The following ACSF2 variants were observed in gnomAD, a reference collection of about 807,000 sequenced individuals.
The protein encoded by ACSF2 is acyl-CoA synthetase family member 2, also known as medium-chain acyl-CoA ligase ACSF2, mitochondrial.
ACSF2 carries 52 observed loss-of-function variants against 79.3 expected under a neutral mutation model. That is an observed-to-expected ratio of 0.66 (90% CI 0.53 to 0.83). The LOEUF is 0.83. Ranked by LOEUF, ACSF2 falls within the 40% of genes least tolerant of loss-of-function variation. ACSF2 has a pLI of 0.00. For missense variants in ACSF2, 661 were observed against 803.3 expected, an observed-to-expected ratio of 0.82 and a Z score of 2.14; for synonymous variants, 283 against 312.6, an observed-to-expected ratio of 0.91 and a Z score of 1.00.
chr17:50,451,279 T>A (rs2031660849), intron 1 of ACSF2, among the ~76,000 whole-genome samples: 1 of 152,118 alleles, frequency 6.6e-6, no homozygotes, highest in South Asian at 2.1e-4. Context: ...CTTTTGGGCA[T>A]ATATTATAAC....
Position 50,474,250 on chromosome 17 carries a change from C to T in ACSF2, c.1780C>T (p.Leu594Phe), listed in dbSNP as rs2033246919. 1 of 1,614,264 alleles carries T rather than the reference C, an allele frequency of 6.2e-7. No individual in the cohort carries two copies. The highest frequency in any genetic ancestry group is 8.5e-7 in the Non-Finnish European group (1 of 1,180,048). ...KYIVFVTNYP[L>F]TISGKIQKFK... ...CATCGTGTTTGTCACAAACTACCCC[C>T]TCACCATTTCAGGAAAGGTGTGTAA... The change falls in exon 15 of 16, where the codon CTC (leucine) becomes TTC (phenylalanine). Residue 594 changes from leucine to phenylalanine, a missense_variant. Physicochemically the swap from Leu to Phe is conservative, Grantham distance 22. Transcript: ENST00000300441. The surrounding 1 kb of genome is among the most constrained non-coding windows in gnomAD (Gnocchi z 4.2).
chr17:50,464,151 T>A, intron 9 of ACSF2, 67 bp from the exon 10 acceptor site: 1 of 1,511,252 alleles, frequency 6.6e-7, no homozygotes, highest in East Asian at 2.3e-5. Flanking sequence ...CTGAATGAGC[T>A]GTAGGTGAAA....
In ACSF2 at chr17:50,426,585, G is replaced by A. The variant is rs936031680; in HGVS notation, c.128+196G>A. Among the ~76,000 whole-genome samples the A allele has an allele frequency of 7.2e-5, 11 of 152,348 alleles. No homozygotes were observed. The South Asian group carries it at 2.3e-3, about 32-fold the overall frequency. On this transcript the variant is annotated intron_variant, in intron 1 of 15. Coordinates refer to ENST00000300441, the MANE Select transcript of ACSF2 (RefSeq NM_025149.6). ...CCTGGTGGACTTGGGTGGGGAGGGG[G>A]CTTTGGTTGGTGGCTGCAGTGACTT...
At chr17:50,455,029 G>A (rs2143660638) in intron 1 of ACSF2, among the ~76,000 whole-genome samples, 1 of 152,302 alleles carries the variant, frequency 6.6e-6, no homozygotes, top group East Asian at 1.9e-4. Context: ...CCGTCCGGCT[G>A]GAGTGTGCAG....
chr17:50,472,241 C>T, intron 11 of ACSF2, 187 bp from the exon 12 acceptor site: 1 of 618,804 alleles, frequency 1.6e-6, no homozygotes. Flanking sequence ...TCAGGTCTCT[C>T]ACTGGCTTTG....
chr17:50,439,628 A>G (rs2030735682), intron 1 of ACSF2, among the ~76,000 whole-genome samples: 1 of 152,296 alleles, frequency 6.6e-6, no homozygotes, highest in South Asian at 2.1e-4. Flanking sequence ...ACCAGCAGCA[A>G]CCAAGTTTTG....
chr17:50,440,828 G>A (rs1478299929), intron 1 of ACSF2, among the ~76,000 whole-genome samples: 1 of 152,272 alleles, frequency 6.6e-6, no homozygotes, highest in African/African-American at 2.4e-5. Flanking sequence ...GCCACTATGG[G>A]TTGGTGCCAG....
chr17:50,426,557 TG>T (rs1378112866), intron 1 of ACSF2, among the ~76,000 whole-genome samples, 168 bp downstream of exon 1: 1 of 152,188 alleles, frequency 6.6e-6, no homozygotes, highest in African/African-American at 2.4e-5. Context: ...AAAGCTGGCT[TG>T]GCCTGGTGGA....
intron 1 of ACSF2, among the ~76,000 whole-genome samples, chr17:50,430,637 C>A (rs1423903634): frequency 1.3e-5 from 2 of 152,154 alleles, no homozygotes; most frequent in Non-Finnish European, 2.9e-5. Flanking sequence ...TGCACTCCAA[C>A]CTGGGCGACA....
At chr17:50,442,057 C>A (rs2030962986) in intron 1 of ACSF2, among the ~76,000 whole-genome samples, 1 of 152,098 alleles carries the variant, frequency 6.6e-6, no homozygotes, top group South Asian at 2.1e-4. Flanking sequence ...GTAATCCCAG[C>A]ACTTTGGGAG....
intron 1 of ACSF2, among the ~76,000 whole-genome samples, chr17:50,431,890 C>G (rs1320686043): frequency 6.6e-6 from 1 of 152,012 alleles, no homozygotes; most frequent in Non-Finnish European, 1.5e-5. Context: ...TTAAGTTAAA[C>G]TTGACTTTTT....
At chr17:50,468,870 C>A (rs1201523855) in intron 10 of ACSF2, 2 of 1,445,830 alleles carry the variant, frequency 1.4e-6, no homozygotes, top group African/African-American at 2.9e-5. Context: ...GCGCGGGCAG[C>A]GGCGAGTCCT....
chr17:50,468,157 C>G (rs374459631), intron 10 of ACSF2: 73 of 1,614,042 alleles, frequency 4.5e-5, no homozygotes, highest in Non-Finnish European at 6.2e-5. Context: ...CCTCCACCAC[C>G]CGTAGCTTGC....
Position 50,456,248 on chromosome 17 carries a change from G to C in ACSF2, c.129-4429G>C, listed in dbSNP as rs551689410. Among the ~76,000 whole-genome samples, 8 of 152,232 alleles carry C rather than the reference G, an allele frequency of 5.3e-5. No individual in the cohort carries two copies. The South Asian group carries it at 1.5e-3, about 28-fold the overall frequency. ...ATCCAAACCCCCAGGCTGACTTCCT[G>C]TCCTTCATGGAGGAGAAGGCTCTTG... is the stretch of plus-strand genomic sequence containing the variant. On this transcript the variant is annotated intron_variant, in intron 1 of 15. Transcript: ENST00000300441.
At chr17:50,449,072 A>G (rs2031489015) in intron 1 of ACSF2, among the ~76,000 whole-genome samples, 1 of 130,830 alleles carries the variant, frequency 7.6e-6, no homozygotes, top group Admixed American at 9.4e-5. Context: ...GCTGGAGTGC[A>G]GTGGTGCAAT....
intron 4 of ACSF2, among the ~76,000 whole-genome samples, chr17:50,461,927 GGT>G (rs35178435): frequency 0.016 from 2,316 of 148,044 alleles, 52 homozygotes; most frequent in African/African-American, 0.05. Context: ...TCAGGGCAGA[GGT>G]GTGTGTGTGT....
rs78156279 is a variant in ACSF2 at position 50,449,582 on chromosome 17, A to AT, written c.129-11082dup. ...ACCACGCCCGGCTAATTTTTTTTGT[A>AT]TTTTTTTTTTTTTAGTAGAAACGGG... On this transcript the variant is annotated intron_variant, in intron 1 of 15. Transcript: ENST00000300441. Among the ~76,000 whole-genome samples the AT allele has an allele frequency of 7.8e-3, 1,026 of 130,774 alleles. 11 individuals are homozygous for AT. Among genetic ancestry groups the AT allele is most frequent in the African/African-American group, 0.021 (730 of 35,422 alleles). The allele number at this position is 130,774 out of a possible 152,430, so 85.8% of individuals were successfully genotyped here. A position where few individuals can be genotyped will look rare whatever the true frequency, so the allele number is the denominator to read the frequency against.
intron 3 of ACSF2, 61 bp from the exon 4 acceptor site, chr17:50,461,572 G>C: frequency 6.2e-7 from 1 of 1,609,938 alleles, no homozygotes; most frequent in Non-Finnish European, 8.5e-7. Flanking sequence ...TGGGGGCGGA[G>C]GGGCAGCAGG....
chr17:50,474,710 C>A lies in ACSF2; in HGVS notation c.*158C>A. The A allele has an allele frequency of 1.3e-6, 1 of 794,878 alleles. No individual in the cohort carries two copies. Among genetic ancestry groups the A allele is most frequent in the Non-Finnish European group, 2.0e-6 (1 of 507,358 alleles). 49.2% of individuals were successfully genotyped at this position (794,878 alleles called of 1,614,324 possible). On this transcript the variant is annotated 3_prime_UTR_variant, in exon 16 of 16. Transcript: ENST00000300441. This position sits in a 1 kb window ranked among gnomAD's most constrained non-coding sequence, Gnocchi z 4.2. ...ACGAACTAAGAGCTCCTGGATGGGTCCGGGAACTCGCCTGGGCACAAGGTG... is the reference window on the plus strand; with the variant it reads ...ACGAACTAAGAGCTCCTGGATGGGTACGGGAACTCGCCTGGGCACAAGGTG...
Sources: allele counts gnomAD v4.1 joint callset (sites outside exome capture counted in the v4.1 genomes callset), GRCh38; gene constraint gnomAD v4.1.1; non-coding constraint Gnocchi (gnomAD v3.1); transcripts MANE v1.5; gene names NCBI Gene and HGNC (gene_info 2026-07-23, HGNC 2026-07-21).